Variants in STAG1 observed in about 807,000 individuals in gnomAD.
STAG1 encodes the protein STAG1 cohesin complex component.
Under a neutral mutation model 170.9 loss-of-function variants are expected in STAG1, and 26 were observed. The observed-to-expected ratio is 0.15, with a 90% CI of 0.11 to 0.21. STAG1 has a LOEUF of 0.21. STAG1 is among the 10% of genes least tolerant of loss of function. STAG1 has a pLI of 1.00. For missense variants in STAG1, 964 were observed against 1,509.5 expected (o/e 0.64, Z 5.99); for synonymous variants, 514 against 497.7 (o/e 1.03, Z -0.44).
In STAG1 at chr3:136,715,975, G is replaced by C. The variant is rs184738235; in HGVS notation, c.-84+36220C>G. On this transcript the variant is annotated intron_variant, in intron 1 of 33. Transcript: ENST00000383202. Reference sequence around the variant, plus strand: ...TTAGCCAGTGTAGTGGTGCATGCCAGTAGTCCCAGCTACTCAGCAGGCTGA... The same window carrying C: ...TTAGCCAGTGTAGTGGTGCATGCCACTAGTCCCAGCTACTCAGCAGGCTGA... 8.5e-5 allele frequency among the ~76,000 whole-genome samples: 13 copies of C among 152,188 alleles called. No homozygotes were observed. In the East Asian group the frequency reaches 2.3e-3, roughly 27 times the overall value.
chr3:136,486,337 A>G (rs2090011538), intron 9 of STAG1, among the ~76,000 whole-genome samples: 1 of 152,228 alleles, frequency 6.6e-6, no homozygotes, highest in Non-Finnish European at 1.5e-5. Context: ...TTATCCTACT[A>G]TTTAAAATTT....
At chr3:136,472,643 T>C in intron 11 of STAG1, 151 bp from the exon 12 acceptor site, 1 of 533,734 alleles carries the variant, frequency 1.9e-6, no homozygotes, top group Non-Finnish European at 3.4e-6. Flanking sequence ...GTAGTCCTAC[T>C]CACACAAAGG....
intron 4 of STAG1, among the ~76,000 whole-genome samples, chr3:136,580,512 T>C (rs946605878): frequency 2.0e-5 from 3 of 150,972 alleles, no homozygotes; most frequent in African/African-American, 7.3e-5. Context: ...CATTTATTCT[T>C]GTATAATTCT....
At chr3:136,604,543 A>G in intron 3 of STAG1, 70 bp from the exon 4 acceptor site, 1 of 1,287,316 alleles carries the variant, frequency 7.8e-7, no homozygotes, top group Non-Finnish European at 1.0e-6. Context: ...GATCACTACT[A>G]TAGAAGAAAT....
intron 1 of STAG1, among the ~76,000 whole-genome samples, chr3:136,664,965 A>T (rs1941705787): frequency 6.6e-6 from 1 of 152,240 alleles, no homozygotes; most frequent in Admixed American, 6.5e-5. Context: ...TGAAACTGCA[A>T]ACCACAAAGG....
intron 14 of STAG1, among the ~76,000 whole-genome samples, chr3:136,449,292 G>C (rs1448160298): frequency 1.3e-5 from 2 of 152,166 alleles, no homozygotes; most frequent in Non-Finnish European, 2.9e-5. Context: ...CAGGCGTGGT[G>C]GCTCACGCCT....
chr3:136,750,696 G>C (rs1935183047), intron 1 of STAG1, among the ~76,000 whole-genome samples: 1 of 152,154 alleles, frequency 6.6e-6, no homozygotes. Flanking sequence ...GAAAATGCGT[G>C]GCAAAACACC....
In STAG1 at chr3:136,705,032, C is replaced by A. The variant is rs557951994; in HGVS notation, c.-84+47163G>T. On this transcript the variant is annotated intron_variant, in intron 1 of 33. Coordinates refer to ENST00000383202, the MANE Select transcript of STAG1 (RefSeq NM_005862.3). ...AAACTTCAATATAACAATAATAAAA[C>A]TTCACTTTCAATAATGGCTAAAACA... Among the ~76,000 whole-genome samples the A allele has an allele frequency of 9.2e-5, 14 of 151,954 alleles. No individual in the cohort carries two copies. In the South Asian group the frequency reaches 2.7e-3, roughly 29 times the overall value.
At chr3:136,604,194 A>G (rs1938822411) in intron 4 of STAG1, 115 bp downstream of exon 4, 12 of 910,284 alleles carry the variant, frequency 1.3e-5, no homozygotes, top group Admixed American at 2.9e-5. Context: ...GATAAACTGA[A>G]AGGTTGCTTA....
chr3:136,489,674 A>G (rs2090084395), intron 9 of STAG1, among the ~76,000 whole-genome samples: 1 of 152,256 alleles, frequency 6.6e-6, no homozygotes, highest in Admixed American at 6.5e-5. Context: ...TCCAAAATAG[A>G]ATAATTATAG....
intron 22 of STAG1, among the ~76,000 whole-genome samples, chr3:136,380,258 T>C (rs996348681): frequency 1.3e-5 from 2 of 152,118 alleles, no homozygotes; most frequent in African/African-American, 4.8e-5. Flanking sequence ...TTTTTTTTTT[T>C]TGAGACGGAG....
chr3:136,724,600 T>TTA (rs1368723139), intron 1 of STAG1, among the ~76,000 whole-genome samples: 5 of 104,666 alleles, frequency 4.8e-5, no homozygotes, highest in African/African-American at 9.6e-5. Context: ...GAATGATCAA[T>TTA]AAAAAAAAAA....
chr3:136,684,856 A>G (rs1318652137), intron 1 of STAG1, among the ~76,000 whole-genome samples: 1 of 151,972 alleles, frequency 6.6e-6, no homozygotes, highest in Non-Finnish European at 1.5e-5. Context: ...CAGACCTTAA[A>G]CTCTTCACAA....
intron 1 of STAG1, among the ~76,000 whole-genome samples, chr3:136,641,910 T>C (rs768461832): frequency 6.6e-6 from 1 of 152,166 alleles, no homozygotes; most frequent in Non-Finnish European, 1.5e-5. Context: ...TATGACATTA[T>C]TTCAGGAGAG....
chr3:136,708,632 TAA>T (rs1231116760), intron 1 of STAG1, among the ~76,000 whole-genome samples: 2 of 151,974 alleles, frequency 1.3e-5, no homozygotes, highest in South Asian at 2.1e-4. Context: ...TTCATCTCAA[TAA>T]AAAAAGACTC....
chr3:136,668,286 A>T (rs1160318873), intron 1 of STAG1, among the ~76,000 whole-genome samples: 1 of 147,000 alleles, frequency 6.8e-6, no homozygotes. Context: ...TATATTATAC[A>T]TGATATATAA....
At chr3:136,619,726 C>G (rs546661984) in intron 3 of STAG1, among the ~76,000 whole-genome samples, 1 of 123,388 alleles carries the variant, frequency 8.1e-6, no homozygotes, top group Admixed American at 1.1e-4. Flanking sequence ...TACTACACTC[C>G]AGATTACGCA....
At chr3:136,533,349 T>C (rs916321759) in intron 6 of STAG1, among the ~76,000 whole-genome samples, 2 of 152,082 alleles carry the variant, frequency 1.3e-5, no homozygotes, top group African/African-American at 2.4e-5. Context: ...TAAAAAAAGG[T>C]TGGTAAAATG....
At chr3:136,695,906 T>G (rs1158875516) in intron 1 of STAG1, among the ~76,000 whole-genome samples, 4 of 152,068 alleles carry the variant, frequency 2.6e-5, no homozygotes, top group Admixed American at 6.5e-5. Flanking sequence ...CCAGGTGAGC[T>G]CACCTTGGAT....
Sources: gnomAD v4.1 joint callset for allele counts (sites outside exome capture counted in the v4.1 genomes callset) on GRCh38, gnomAD v4.1.1 for gene constraint, MANE v1.5 for transcripts, NCBI Gene and HGNC (gene_info 2026-07-23, HGNC 2026-07-21) for gene names.